Variants in RAD51B observed in about 807,000 individuals in gnomAD.
RAD51B encodes the protein RAD51 paralog B.
Under a neutral mutation model 42.2 loss-of-function variants are expected in RAD51B, and 38 were observed. The observed-to-expected ratio is 0.90, with a 90% CI of 0.70 to 1.18. RAD51B has a LOEUF of 1.18. Among genes scored for constraint, RAD51B ranks in the 50% most tolerant of loss-of-function variants. The probability of loss-of-function intolerance (pLI) is 0.00; values close to 1 mark genes in which losing one functional copy is unlikely to be tolerated. For synonymous variants in RAD51B, 154 were observed against 145.2 expected, an observed-to-expected ratio of 1.06 and a Z score of -0.43; for missense variants, 373 against 400.7, an observed-to-expected ratio of 0.93 and a Z score of 0.59.
chr14:68,392,731 A>G (rs964165173), intron 8 of RAD51B, among the ~76,000 whole-genome samples: 5 of 152,206 alleles, frequency 3.3e-5, no homozygotes, highest in Non-Finnish European at 5.9e-5. Context: ...TTTTCCGAGG[A>G]GGACACTGAG....
chr14:67,839,895 C>T (rs777742828), intron 4 of RAD51B, among the ~76,000 whole-genome samples: 3 of 151,994 alleles, frequency 2.0e-5, no homozygotes, highest in Non-Finnish European at 2.9e-5. Flanking sequence ...ACATTCCCAT[C>T]ACAATTGCTT....
intron 7 of RAD51B, among the ~76,000 whole-genome samples, chr14:67,940,044 ATATATATATATTTTTTTTTTTTTTTT>A (rs2045121867): frequency 2.0e-4 from 3 of 14,938 alleles, no homozygotes; most frequent in Admixed American, 9.9e-4. Flanking sequence ...ATATATATAT[ATATATATATATTTTTTTTTTTTTTTT>A]TTTTTTTTTT....
chr14:67,967,400 T>G (rs908015346), intron 7 of RAD51B, among the ~76,000 whole-genome samples: 4 of 152,134 alleles, frequency 2.6e-5, no homozygotes, highest in Non-Finnish European at 4.4e-5. Context: ...CAGCATTAAC[T>G]CAAAAGTCCA....
At chr14:68,151,432 A>C (rs1446542768) in intron 7 of RAD51B, among the ~76,000 whole-genome samples, 1 of 150,134 alleles carries the variant, frequency 6.7e-6, no homozygotes, top group Non-Finnish European at 1.5e-5. Context: ...GCTTTTTTTG[A>C]TATGTTTGTT....
intron 7 of RAD51B, among the ~76,000 whole-genome samples, chr14:68,078,118 A>C (rs578098653): frequency 6.6e-6 from 1 of 152,290 alleles, no homozygotes; most frequent in African/African-American, 2.4e-5. Context: ...ATATAATCCA[A>C]TTATAGTCTT....
In RAD51B at chr14:68,092,761, C is replaced by T. The variant is rs1429648346; in HGVS notation, c.757-199123C>T. 2.0e-5 allele frequency among the ~76,000 whole-genome samples: 3 copies of T among 152,136 alleles called. No homozygotes were observed. In the East Asian group the frequency reaches 5.8e-4, roughly 29 times the overall value. ...GTTGAATAGGAGTGGTGAGAGAGGGCATCCCTGTCTTGTGCCAGTTTTCAA... is the reference window on the plus strand; with the variant it reads ...GTTGAATAGGAGTGGTGAGAGAGGGTATCCCTGTCTTGTGCCAGTTTTCAA... On this transcript the variant is annotated intron_variant, in intron 7 of 10. Transcript: ENST00000471583.
At chr14:68,336,390 G>T (rs1009820817) in intron 8 of RAD51B, among the ~76,000 whole-genome samples, 1 of 152,168 alleles carries the variant, frequency 6.6e-6, no homozygotes, top group Non-Finnish European at 1.5e-5. Flanking sequence ...CTGTGGTAAT[G>T]ATTATATTTC....
chr14:68,205,974 G>A (rs2079576265), intron 7 of RAD51B, among the ~76,000 whole-genome samples: 2 of 152,138 alleles, frequency 1.3e-5, no homozygotes, highest in Admixed American at 1.3e-4. Flanking sequence ...AGATACAATA[G>A]TGTTGTTTAT....
chr14:67,843,539 T>C (rs911506600), intron 4 of RAD51B: 6 of 152,128 alleles, frequency 3.9e-5, no homozygotes, highest in African/African-American at 1.4e-4. Flanking sequence ...CGGACCTCAT[T>C]ATTGGTCTGT....
At chr14:68,493,666 A>G (rs574905240) in intron 10 of RAD51B, among the ~76,000 whole-genome samples, 130 of 152,372 alleles carry the variant, frequency 8.5e-4, no homozygotes, top group Non-Finnish European at 1.0e-3. Context: ...CCTATTTTAT[A>G]GAAGCCGAGA....
rs117423810 is a variant in RAD51B at position 68,018,606 on chromosome 14, G to A, written c.756+131402G>A. Among the ~76,000 whole-genome samples the A allele has an allele frequency of 5.1e-4, 78 of 152,218 alleles. 3 individuals are homozygous for A. In the East Asian group the frequency reaches 0.015, roughly 29 times the overall value. On this transcript the variant is annotated intron_variant, in intron 7 of 10. Transcript: ENST00000471583. The stretch of plus-strand genomic sequence containing the variant: ...TTGTAGGAATTCCCGGAACTTCTTA[G>A]TATTCCTTTTCTACCTTGTTAAACC...
intron 7 of RAD51B, among the ~76,000 whole-genome samples, chr14:68,271,147 G>A (rs1389167333): frequency 1.3e-5 from 2 of 152,110 alleles, no homozygotes; most frequent in Non-Finnish European, 2.9e-5. Flanking sequence ...CTAACATACT[G>A]TATCATTTGT....
intron 4 of RAD51B, among the ~76,000 whole-genome samples, chr14:67,852,173 A>G (rs931205836): frequency 6.6e-6 from 1 of 152,202 alleles, no homozygotes; most frequent in African/African-American, 2.4e-5. Flanking sequence ...CCGACTGACC[A>G]GAGTGCTCAG....
At chr14:68,231,513 A>G (rs1314911) in intron 7 of RAD51B, among the ~76,000 whole-genome samples, 16,482 of 152,100 alleles carry the variant, frequency 0.11, 1,172 homozygotes, top group Middle Eastern at 0.3. Flanking sequence ...TTAATCTCCA[A>G]TGTGTTTATT....
chr14:68,564,179 T>C (rs575737866), intron 10 of RAD51B, among the ~76,000 whole-genome samples: 1 of 152,314 alleles, frequency 6.6e-6, no homozygotes, highest in South Asian at 2.1e-4. Context: ...CTGCGCTGGA[T>C]CCTTTAAACC....
At position 68,673,590 on chromosome 14, in the gene RAD51B, C is replaced by T. The variant is rs138748170; in HGVS notation, c.*11+22734C>T. Among the ~76,000 whole-genome samples the T allele has an allele frequency of 2.4e-3, 332 of 138,120 alleles. 2 individuals carry two copies. Among genetic ancestry groups the T allele is most frequent in the African/African-American group, 9.2e-3 (314 of 34,220 alleles). The allele number at this position is 138,120 out of a possible 152,430, so 90.6% of individuals were successfully genotyped here. A position where few individuals can be genotyped will look rare whatever the true frequency, so the allele number is the denominator to read the frequency against. ...CACACACATACACATACTGTACATA[C>T]ACATATGTACATGCACACACACACG... On this transcript the variant is annotated intron_variant, in intron 11 of 11. Coordinates refer to the RAD51B transcript ENST00000488612.
intron 7 of RAD51B, among the ~76,000 whole-genome samples, chr14:68,005,834 C>CA (rs1359122435): frequency 3.3e-5 from 5 of 152,028 alleles, no homozygotes; most frequent in African/African-American, 2.4e-5. Flanking sequence ...ATAGGCTGTA[C>CA]AGGAAGCATA....
intron 10 of RAD51B, among the ~76,000 whole-genome samples, chr14:68,609,634 TG>T (rs1179861532): frequency 5.9e-5 from 9 of 152,240 alleles, no homozygotes; most frequent in African/African-American, 2.2e-4. Flanking sequence ...GTGCTTCCAG[TG>T]CACAGCCACA....
intron 7 of RAD51B, among the ~76,000 whole-genome samples, chr14:68,250,101 A>G (rs2080589662): frequency 6.6e-6 from 1 of 152,178 alleles, no homozygotes; most frequent in Admixed American, 6.5e-5. Context: ...AAGTAACCCT[A>G]GATGCATCTG....
Sources: allele counts gnomAD v4.1 joint callset (sites outside exome capture counted in the v4.1 genomes callset), GRCh38; gene constraint gnomAD v4.1.1; transcripts MANE v1.5; gene names NCBI Gene and HGNC (gene_info 2026-07-23, HGNC 2026-07-21).